The following AGAP1 variants were observed in gnomAD, a reference collection of about 807,000 sequenced individuals.
The protein encoded by AGAP1 is ArfGAP with GTPase domain, ankyrin repeat and PH domain 1.
Under a neutral mutation model 105.3 loss-of-function variants are expected in AGAP1, and 29 were observed. The observed-to-expected ratio is 0.28, with a 90% CI of 0.21 to 0.38. AGAP1 has a LOEUF of 0.38. Among genes scored for constraint, AGAP1 ranks in the 10% least tolerant of loss-of-function variants. The pLI, the probability that AGAP1 is intolerant of heterozygous loss-of-function variation, is 1.00. For synonymous variants in AGAP1, 509 were observed against 485.9 expected (o/e 1.05, Z -0.63); for missense variants, 998 against 1,165.1 (o/e 0.86, Z 2.09).
chr2:236,124,833 CCATATTATCCCAGA>C lies in AGAP1; in HGVS notation c.*715_*728del, dbSNP rs764798169. On this transcript the variant is annotated 3_prime_UTR_variant, in exon 18 of 18. Transcript: ENST00000304032. The surrounding 1 kb of genome is among the most constrained non-coding windows in gnomAD (Gnocchi z 5.1). ...TGTGATTGCAATACTCTTAGAAGCA[CCATATTATCCCAGA>C]CATGTTCTTTCAAGCCCTTGGAGCC... 8.5e-5 allele frequency: 13 copies of C among 153,246 alleles called. No individual in the cohort carries two copies. Among genetic ancestry groups the C allele is most frequent in the Non-Finnish European group, 1.9e-4 (13 of 68,388 alleles). 9.5% of individuals were successfully genotyped at this position (153,246 alleles called of 1,614,324 possible). A position where few individuals can be genotyped will look rare whatever the true frequency, so the allele number is the denominator to read the frequency against.
intron 11 of AGAP1, among the ~76,000 whole-genome samples, chr2:235,914,611 G>A (rs1319560552): frequency 6.6e-6 from 1 of 152,212 alleles, no homozygotes; most frequent in Non-Finnish European, 1.5e-5. Context: ...CTTCATGTCA[G>A]TTTTTGCCAT....
chr2:235,602,073 G>A (rs898705324), intron 1 of AGAP1, among the ~76,000 whole-genome samples: 14 of 152,180 alleles, frequency 9.2e-5, no homozygotes, highest in African/African-American at 4.8e-5. Flanking sequence ...CTCCAGGGCC[G>A]CAGAGCAGGC....
In AGAP1 at chr2:235,751,151, TGA is replaced by T. The variant is rs1299652684; in HGVS notation, c.673+669_673+670del. On this transcript the variant is annotated intron_variant, in intron 6 of 17. Coordinates refer to ENST00000304032, the MANE Select transcript of AGAP1 (RefSeq NM_001037131.3). This position sits in a 1 kb window ranked among gnomAD's most constrained non-coding sequence, Gnocchi z 5.3. Reference sequence around the variant, plus strand: ...TGATCATAGCGCCAGACGTCGTCTATGAGAGAGGAGCCTGTGCAGATGCGTGG... The same window carrying T: ...TGATCATAGCGCCAGACGTCGTCTATGAGAGGAGCCTGTGCAGATGCGTGG... 6.6e-6 allele frequency among the ~76,000 whole-genome samples: 1 copy of T among 152,026 alleles called. No homozygotes were observed. Among genetic ancestry groups the T allele is most frequent in the African/African-American group, 2.4e-5 (1 of 41,360 alleles).
intron 1 of AGAP1, among the ~76,000 whole-genome samples, chr2:235,648,460 T>G (rs1236616255): frequency 6.6e-6 from 1 of 152,158 alleles, no homozygotes; most frequent in Non-Finnish European, 1.5e-5. Context: ...GATTCAGAGT[T>G]TCACGAGACT....
chr2:235,755,195 A>G (rs992051038), intron 6 of AGAP1, among the ~76,000 whole-genome samples: 11 of 152,198 alleles, frequency 7.2e-5, no homozygotes, highest in African/African-American at 2.2e-4. Flanking sequence ...ATTGCTTCAC[A>G]GCCAGCGGCT....
rs886388900 is a variant in AGAP1 at position 236,044,118 on chromosome 2, A to G, written c.1891+3277A>G. 1.3e-4 allele frequency among the ~76,000 whole-genome samples: 20 copies of G among 148,550 alleles called. No individual in the cohort carries two copies. The highest frequency in any genetic ancestry group is 2.6e-4 in the Non-Finnish European group (17 of 65,978). The stretch of plus-strand genomic sequence containing the variant: ...TGTCTATAAAGGGATTCTGAGAGCC[A>G]GTGAATTTGGGAAACTCTTAACAAC... On this transcript the variant is annotated intron_variant, in intron 15 of 17. Coordinates refer to ENST00000304032, the MANE Select transcript of AGAP1 (RefSeq NM_001037131.3). The surrounding 1 kb of genome is among the most constrained non-coding windows in gnomAD (Gnocchi z 5.7).
At chr2:235,778,529 C>T (rs573625720) in intron 6 of AGAP1, among the ~76,000 whole-genome samples, 2 of 152,340 alleles carry the variant, frequency 1.3e-5, no homozygotes, top group African/African-American at 4.8e-5. Flanking sequence ...CGCTCCTTAT[C>T]TGTGAGCATA....
intron 1 of AGAP1, among the ~76,000 whole-genome samples, chr2:235,522,804 A>T (rs940010890): frequency 5.3e-5 from 8 of 152,102 alleles, no homozygotes; most frequent in African/African-American, 1.9e-4. Context: ...CTTTATGGTG[A>T]TATCTGTTTG....
At chr2:235,696,533 C>G (rs767453134) in intron 1 of AGAP1, among the ~76,000 whole-genome samples, 1 of 152,192 alleles carries the variant, frequency 6.6e-6, no homozygotes, top group Non-Finnish European at 1.5e-5. Flanking sequence ...ACAGACCAAG[C>G]TCACAGGGAT....
At chr2:236,079,952 G>T (rs1252947480) in intron 16 of AGAP1, among the ~76,000 whole-genome samples, 1 of 152,196 alleles carries the variant, frequency 6.6e-6, no homozygotes, top group East Asian at 1.9e-4. Context: ...AGACTTCAGG[G>T]TCAGAGACAA....
intron 6 of AGAP1, among the ~76,000 whole-genome samples, chr2:235,766,204 A>G (rs931398187): frequency 6.6e-6 from 1 of 152,258 alleles, no homozygotes; most frequent in Non-Finnish European, 1.5e-5. Context: ...CTTGGATTAA[A>G]TGCAGTACGA....
At position 236,087,571 on chromosome 2, in the gene AGAP1, C is replaced by G. The variant is rs1446483271; in HGVS notation, c.2115-32621C>G. On this transcript the variant is annotated intron_variant, in intron 16 of 17. Transcript: ENST00000304032. This position sits in a 1 kb window ranked among gnomAD's most constrained non-coding sequence, Gnocchi z 5.7. ...ACGGGCTACTTGGACGGCTCATGCC[C>G]ACCTCTGACTAGTTTGATGTTCTGA... 1.4e-4 allele frequency among the ~76,000 whole-genome samples: 22 copies of G among 152,156 alleles called. No homozygotes were observed. Among genetic ancestry groups the G allele is most frequent in the Admixed American group, 1.2e-3 (18 of 15,270 alleles).
rs1331146292 is a variant in AGAP1, at chr2:235,578,058, T to C, written c.163+83209T>C. Among the ~76,000 whole-genome samples the C allele has an allele frequency of 2.0e-5, 3 of 152,070 alleles. No individual in the cohort carries two copies. The highest frequency in any genetic ancestry group is 2.1e-4 in the South Asian group (1 of 4,822). Reference sequence around the variant, plus strand: ...CGTGAGGAGCTGGGTACCACTGTTATCCTGCCTGCTGGTCTGAGGGTCCGA... The same window carrying C: ...CGTGAGGAGCTGGGTACCACTGTTACCCTGCCTGCTGGTCTGAGGGTCCGA... On this transcript the variant is annotated intron_variant, in intron 1 of 17. Transcript: ENST00000304032. This position sits in a 1 kb window ranked among gnomAD's most constrained non-coding sequence, Gnocchi z 4.9.
rs1355493932 is a variant in AGAP1, at chr2:236,005,234, C to G, written c.1646-31327C>G. On this transcript the variant is annotated intron_variant, in intron 13 of 17. Transcript: ENST00000304032. The surrounding 1 kb of genome is among the most constrained non-coding windows in gnomAD (Gnocchi z 4.1). The stretch of plus-strand genomic sequence containing the variant: ...CAATCTTGGCTCTTGCAACCTCCGC[C>G]TCCCAGACTCAAGCGATTCTTGCCC... Among the ~76,000 whole-genome samples the G allele has an allele frequency of 6.6e-6, 1 of 152,152 alleles. No individual in the cohort carries two copies. The highest frequency in any genetic ancestry group is 1.5e-5 in the Non-Finnish European group (1 of 68,024).
In AGAP1 at chr2:235,551,049, C is replaced by A. The variant is rs920464327; in HGVS notation, c.163+56200C>A. On this transcript the variant is annotated intron_variant, in intron 1 of 17. Transcript: ENST00000304032. The surrounding 1 kb of genome is among the most constrained non-coding windows in gnomAD (Gnocchi z 4.8). ...TCGGCCTCTGAAAGTGCTGGGATTA[C>A]AGGCGTGAGCCACCGCGCTCGGCCA... Among the ~76,000 whole-genome samples the A allele has an allele frequency of 1.3e-5, 2 of 152,080 alleles. No individual in the cohort carries two copies. Among genetic ancestry groups the A allele is most frequent in the African/African-American group, 4.8e-5 (2 of 41,404 alleles).
At chr2:235,969,098 T>C (rs1212304583) in intron 13 of AGAP1, among the ~76,000 whole-genome samples, 2 of 152,254 alleles carry the variant, frequency 1.3e-5, no homozygotes, top group Non-Finnish European at 2.9e-5. Flanking sequence ...ACACTTCTTC[T>C]GTTAATGTCC....
chr2:235,545,676 C>T (rs1364041093), intron 1 of AGAP1, among the ~76,000 whole-genome samples: 1 of 152,166 alleles, frequency 6.6e-6, no homozygotes, highest in Admixed American at 6.5e-5. Context: ...ACACGTATTG[C>T]CCCTGTGCTC....
At chr2:235,827,164 T>C (rs546921015) in intron 9 of AGAP1, among the ~76,000 whole-genome samples, 16 of 152,366 alleles carry the variant, frequency 1.1e-4, no homozygotes, top group African/African-American at 2.4e-5. Context: ...TTTAAAAATA[T>C]GTGTGACTTT....
In AGAP1 at chr2:235,793,420, C is replaced by T. The variant is rs1405168978; in HGVS notation, c.674-4339C>T. Among the ~76,000 whole-genome samples, 2 of 152,106 alleles carry T rather than the reference C, an allele frequency of 1.3e-5. No homozygotes were observed. The highest frequency in any genetic ancestry group is 2.9e-5 in the Non-Finnish European group (2 of 68,044). ...AGAAATTGATGACAAACTGAGGGTGCAGGGCAAAAGAACACATGATTCGTG... is the reference window on the plus strand; with the variant it reads ...AGAAATTGATGACAAACTGAGGGTGTAGGGCAAAAGAACACATGATTCGTG... On this transcript the variant is annotated intron_variant, in intron 6 of 17. Transcript: ENST00000304032. This position sits in a 1 kb window ranked among gnomAD's most constrained non-coding sequence, Gnocchi z 5.3.
Sources: gnomAD v4.1 joint callset for allele counts (sites outside exome capture counted in the v4.1 genomes callset) on GRCh38, gnomAD v4.1.1 for gene constraint, Gnocchi (gnomAD v3.1) non-coding constraint, MANE v1.5 for transcripts, NCBI Gene and HGNC (gene_info 2026-07-23, HGNC 2026-07-21) for gene names.